The following PDSS1 variants were observed in gnomAD, a reference collection of about 807,000 sequenced individuals.
The protein encoded by PDSS1 is decaprenyl diphosphate synthase subunit 1, also known as all trans-polyprenyl-diphosphate synthase PDSS1.
In PDSS1, 43 loss-of-function variants were observed where a neutral mutation model predicts 57.5. The observed-to-expected ratio is 0.75, with a 90% CI of 0.59 to 0.96. The LOEUF is 0.96. Among genes scored for constraint, PDSS1 ranks in the 50% least tolerant of loss-of-function variants. PDSS1 has a pLI of 0.00. For synonymous variants in PDSS1, 175 were observed against 191.3 expected, an observed-to-expected ratio of 0.91 and a Z score of 0.70; for missense variants, 438 against 527.8, an observed-to-expected ratio of 0.83 and a Z score of 1.67.
chr10:26,710,453 G>T lies in PDSS1; in HGVS notation c.467+685G>T, dbSNP rs1422801994. 2.2e-5 allele frequency among the ~76,000 whole-genome samples: 2 copies of T among 92,248 alleles called. 1 individual carries two copies. The highest frequency in any genetic ancestry group is 7.0e-5 in the African/African-American group (2 of 28,402). The allele number at this position is 92,248 out of a possible 152,430, so 60.5% of individuals were successfully genotyped here. On this transcript the variant is annotated intron_variant, in intron 5 of 11. Coordinates refer to ENST00000376215, the MANE Select transcript of PDSS1 (RefSeq NM_014317.5). ...GTAGAGACAGGGTTTCACCGTGTTA[G>T]CCAGGATGTGGTCTCAAGGTATGAG...
chr10:26,706,266 TTC>T (rs1360047768), intron 4 of PDSS1, among the ~76,000 whole-genome samples: 5 of 152,162 alleles, frequency 3.3e-5, no homozygotes, highest in Non-Finnish European at 7.3e-5. Flanking sequence ...AAGACATTTT[TTC>T]TGTCTTTAGA....
chr10:26,724,110 A>G lies in PDSS1; in HGVS notation c.818A>G (p.Asn273Ser), dbSNP rs1835878112. ...TFKKTASLIA[N>S]SCKAVSVLGC... ...AAGAAGACCGCCAGCCTGATAGCCA[A>G]CAGTTGTAAAGCAGTATGTACGTTC... Residue 273 changes from asparagine to serine, a missense_variant, in exon 8 of 12, where the codon AAC (asparagine) becomes AGC (serine). Physicochemically the swap from Asn to Ser is conservative, Grantham distance 46. Transcript: ENST00000376215. The G allele has an allele frequency of 1.2e-6, 2 of 1,607,638 alleles. No individual in the cohort carries two copies. Among genetic ancestry groups the G allele is most frequent in the Non-Finnish European group, 1.7e-6 (2 of 1,174,100 alleles).
In PDSS1 at chr10:26,740,789, C is replaced by T. The variant is rs956501053; in HGVS notation, c.1027-1708C>T. On this transcript the variant is annotated intron_variant, in intron 10 of 11. Coordinates refer to ENST00000376215, the MANE Select transcript of PDSS1 (RefSeq NM_014317.5). ...GATGAGAAGCCTAAGACCCCAGGGGCTAAGGAAGTCACTCGGCTGTGGCAG... is the reference window on the plus strand; with the variant it reads ...GATGAGAAGCCTAAGACCCCAGGGGTTAAGGAAGTCACTCGGCTGTGGCAG... 9 of 412,234 alleles carry T rather than the reference C, an allele frequency of 2.2e-5. 1 individual carries two copies. The highest frequency in any genetic ancestry group is 2.2e-4 in the East Asian group (3 of 13,798). The allele number at this position is 412,234 out of a possible 1,614,324, so 25.5% of individuals were successfully genotyped here.
intron 2 of PDSS1, among the ~76,000 whole-genome samples, chr10:26,702,856 G>A (rs553734477): frequency 6.6e-6 from 1 of 152,124 alleles, no homozygotes; most frequent in East Asian, 1.9e-4. Flanking sequence ...ATTCATGAGA[G>A]GCAAGGTTGA....
intron 5 of PDSS1, among the ~76,000 whole-genome samples, chr10:26,716,223 C>T (rs1835570293): frequency 1.3e-5 from 2 of 152,010 alleles, no homozygotes; most frequent in Non-Finnish European, 2.9e-5. Flanking sequence ...GCCCTTGATA[C>T]AGATCCCTCC....
intron 5 of PDSS1, among the ~76,000 whole-genome samples, chr10:26,719,482 T>A (rs987628359): frequency 6.6e-6 from 1 of 152,218 alleles, no homozygotes. Flanking sequence ...ATTTAAGACA[T>A]TACTACGCGG....
At chr10:26,730,893 C>T (rs1388997053) in intron 8 of PDSS1, among the ~76,000 whole-genome samples, 2 of 152,146 alleles carry the variant, frequency 1.3e-5, no homozygotes, top group African/African-American at 4.8e-5. Flanking sequence ...GAAAATGATT[C>T]CACATTGGTT....
intron 4 of PDSS1, among the ~76,000 whole-genome samples, chr10:26,706,093 A>C (rs1835204632): frequency 6.6e-6 from 1 of 152,158 alleles, no homozygotes; most frequent in South Asian, 2.1e-4. Flanking sequence ...CTTTTTCCTG[A>C]AAACTTTCAG....
intron 6 of PDSS1, among the ~76,000 whole-genome samples, chr10:26,722,511 C>T (rs1835821582): frequency 6.6e-6 from 1 of 152,022 alleles, no homozygotes; most frequent in East Asian, 1.9e-4. Context: ...TCGAGACCAG[C>T]CTGGCCAACA....
intron 11 of PDSS1, among the ~76,000 whole-genome samples, chr10:26,743,880 G>A (rs1392790593): frequency 6.6e-6 from 1 of 151,894 alleles, no homozygotes; most frequent in Non-Finnish European, 1.5e-5. Flanking sequence ...GAACAAAAGA[G>A]TGGGACCAAA....
intron 1 of PDSS1, among the ~76,000 whole-genome samples, chr10:26,700,260 C>T: frequency 6.7e-6 from 1 of 148,864 alleles, no homozygotes; most frequent in Non-Finnish European, 1.5e-5. Context: ...CCCCTCCCCC[C>T]CACCCCGCTT....
chr10:26,730,487 A>G (rs111749692), intron 8 of PDSS1, among the ~76,000 whole-genome samples: 3 of 151,398 alleles, frequency 2.0e-5, no homozygotes, highest in Non-Finnish European at 2.9e-5. Flanking sequence ...TGCACACCTG[A>G]AGTCCCAGCT....
At chr10:26,714,198 G>T (rs1452212754) in intron 5 of PDSS1, among the ~76,000 whole-genome samples, 19 of 152,154 alleles carry the variant, frequency 1.2e-4, no homozygotes, top group Admixed American at 1.2e-3. Context: ...TATGGGCTGG[G>T]CACAGTGGCT....
intron 10 of PDSS1, chr10:26,740,532 ATTTC>A (rs770194763): frequency 2.5e-4 from 106 of 431,434 alleles, no homozygotes; most frequent in Non-Finnish European, 4.4e-4. Context: ...TGAAAAAATT[ATTTC>A]TTTGTCTGTG....
chr10:26,699,539 C>T (rs1431173335), intron 1 of PDSS1, among the ~76,000 whole-genome samples: 1 of 151,864 alleles, frequency 6.6e-6, no homozygotes, highest in Non-Finnish European at 1.5e-5. Flanking sequence ...GGATTACAGG[C>T]GTACACCACG....
At chr10:26,745,021 A>G (rs7920164) in intron 11 of PDSS1, among the ~76,000 whole-genome samples, 27,776 of 151,740 alleles carry the variant, frequency 0.18, 2,684 homozygotes, top group Admixed American at 0.23. Context: ...AACATTAGCC[A>G]GGCGTGGTAG....
chr10:26,724,176 A>T (rs762011400), intron 8 of PDSS1, 53 bp downstream of exon 8: 1 of 1,245,206 alleles, frequency 8.0e-7, no homozygotes, highest in Non-Finnish European at 1.2e-6. Context: ...CTTTTTTGGG[A>T]GCTAATTTTC....
intron 6 of PDSS1, among the ~76,000 whole-genome samples, chr10:26,721,631 G>A (rs747023507): frequency 6.6e-6 from 1 of 152,142 alleles, no homozygotes; most frequent in Non-Finnish European, 1.5e-5. Flanking sequence ...AAAGCAGATG[G>A]CGTTTAGATT....
chr10:26,722,287 T>G (rs562511992), intron 6 of PDSS1, among the ~76,000 whole-genome samples: 13 of 152,320 alleles, frequency 8.5e-5, no homozygotes, highest in African/African-American at 2.4e-4. Context: ...TATAAAGTGG[T>G]GATTAATTGG....
Sources: allele counts gnomAD v4.1 joint callset (sites outside exome capture counted in the v4.1 genomes callset), GRCh38; gene constraint gnomAD v4.1.1; transcripts MANE v1.5; gene names NCBI Gene and HGNC (gene_info 2026-07-23, HGNC 2026-07-21).